The following TUBGCP3 variants were observed in gnomAD, a reference collection of about 807,000 sequenced individuals.
The protein encoded by TUBGCP3 is tubulin gamma complex component 3.
Under a neutral mutation model 123.1 loss-of-function variants are expected in TUBGCP3, and 50 were observed. The ratio of observed to expected loss-of-function variants is 0.41; its 90% CI spans 0.32 to 0.51. The LOEUF is 0.51. Among genes scored for constraint, TUBGCP3 ranks in the 20% least tolerant of loss-of-function variants. TUBGCP3 has a pLI of 0.36. For synonymous variants in TUBGCP3, 405 were observed against 413.9 expected, an observed-to-expected ratio of 0.98 and a Z score of 0.26; for missense variants, 882 against 1,127.0, an observed-to-expected ratio of 0.78 and a Z score of 3.11.
At chr13:112,601,240 T>C in the TUBGCP3 span, among the ~76,000 whole-genome samples, 1 of 149,610 alleles carries the variant, frequency 6.7e-6, no homozygotes, top group Non-Finnish European at 1.5e-5. Flanking sequence ...CTTTTCATAA[T>C]GGTGATGAAA....
At chr13:112,575,650 T>A (rs1881750474) in intron 1 of TUBGCP3, among the ~76,000 whole-genome samples, 1 of 152,218 alleles carries the variant, frequency 6.6e-6, no homozygotes, top group African/African-American at 2.4e-5. Flanking sequence ...CAACACACGC[T>A]CTTTTCAAAT....
intron 11 of TUBGCP3, among the ~76,000 whole-genome samples, chr13:112,539,197 A>AC (rs1226646265): frequency 6.6e-6 from 1 of 152,174 alleles, no homozygotes; most frequent in African/African-American, 2.4e-5. Context: ...ACAAAATCAC[A>AC]CCAGACAAGC....
intron 11 of TUBGCP3, among the ~76,000 whole-genome samples, chr13:112,528,115 C>T (rs999925074): frequency 2.6e-5 from 4 of 152,232 alleles, no homozygotes; most frequent in African/African-American, 9.6e-5. Flanking sequence ...CTGACCCTGA[C>T]GGGCACCTAC....
chr13:112,554,035 A>G lies in TUBGCP3; in HGVS notation c.966+22T>C, dbSNP rs141104749. The G allele has an allele frequency of 6.8e-4, 1,089 of 1,603,778 alleles. 26 individuals carry two copies. In the East Asian group the frequency reaches 0.021, roughly 31 times the overall value. On this transcript the variant is annotated intron_variant, in intron 8 of 21. Coordinates refer to ENST00000261965, the MANE Select transcript of TUBGCP3 (RefSeq NM_006322.6). The stretch of plus-strand genomic sequence containing the variant: ...TTCCCAAAGTGCGCAGCATCCCAGC[A>G]TCCTAGGAACCATGAACGCACCTGC...
chr13:112,570,708 G>C (rs1415275354), intron 1 of TUBGCP3, among the ~76,000 whole-genome samples: 2 of 152,130 alleles, frequency 1.3e-5, no homozygotes, highest in African/African-American at 4.8e-5. Context: ...CACATCGATT[G>C]ACCCTTCCTT....
intron 5 of TUBGCP3, among the ~76,000 whole-genome samples, chr13:112,557,662 G>C (rs1011704716): frequency 1.3e-5 from 2 of 152,204 alleles, no homozygotes; most frequent in Non-Finnish European, 2.9e-5. Flanking sequence ...TGTATTTCTT[G>C]AAAACATGCT....
At chr13:112,505,870 A>T (rs193057564) in intron 17 of TUBGCP3, among the ~76,000 whole-genome samples, 15 of 152,276 alleles carry the variant, frequency 9.9e-5, no homozygotes, top group South Asian at 2.1e-4. Flanking sequence ...CACTTGGGAA[A>T]GGAGGAGGAC....
At chr13:112,585,071 C>T (rs1882514788) in intron 1 of TUBGCP3, among the ~76,000 whole-genome samples, 1 of 152,050 alleles carries the variant, frequency 6.6e-6, no homozygotes, top group Non-Finnish European at 1.5e-5. Context: ...TAAAAGATAC[C>T]TTATAAAAAT....
In TUBGCP3 at chr13:112,558,416, G is replaced by C; in HGVS notation, c.331-3C>G. The C allele has an allele frequency of 6.5e-7, 1 of 1,540,296 alleles. No individual in the cohort carries two copies. The highest frequency in any genetic ancestry group is 2.3e-5 in the East Asian group (1 of 43,608). On this transcript the variant is annotated splice_polypyrimidine_tract_variant and splice_region_variant and intron_variant, in intron 4 of 21. Coordinates refer to ENST00000261965, the MANE Select transcript of TUBGCP3 (RefSeq NM_006322.6). ...AATAACGTAGCATAGCTAGAAACCT[G>C]AAAAGAGAAACACACTAAGAGCAGA...
At chr13:112,489,801 TA>T in intron 20 of TUBGCP3, 104 bp from the exon 21 acceptor site, 1 of 873,006 alleles carries the variant, frequency 1.1e-6, no homozygotes. Flanking sequence ...GTCTGCTTTT[TA>T]TGCCTCTCTG....
intron 19 of TUBGCP3, among the ~76,000 whole-genome samples, chr13:112,500,799 C>T (rs1308793986): frequency 6.6e-6 from 1 of 152,192 alleles, no homozygotes; most frequent in African/African-American, 2.4e-5. Context: ...TTCTCATCAC[C>T]CATTGTCTAA....
chr13:112,536,547 G>T (rs954140451), intron 11 of TUBGCP3, among the ~76,000 whole-genome samples: 2 of 152,036 alleles, frequency 1.3e-5, no homozygotes, highest in African/African-American at 4.8e-5. Flanking sequence ...AACTTATTTA[G>T]ATGATATTTT....
chr13:112,581,539 G>A lies in TUBGCP3; in HGVS notation c.76+6366C>T, dbSNP rs543915741. Among the ~76,000 whole-genome samples, 235 of 131,714 alleles carry A rather than the reference G, an allele frequency of 1.8e-3. 2 individuals carry two copies. The highest frequency in any genetic ancestry group is 2.5e-3 in the Non-Finnish European group (157 of 62,452). 86.4% of individuals were successfully genotyped at this position (131,714 alleles called of 152,430 possible). ...CGGCTCCCTGCAACCTCTGCCTCCTGGGCTCAAGTGATTCCCCCACCTCAG... is the reference window on the plus strand; with the variant it reads ...CGGCTCCCTGCAACCTCTGCCTCCTAGGCTCAAGTGATTCCCCCACCTCAG... On this transcript the variant is annotated intron_variant, in intron 1 of 21. Coordinates refer to ENST00000261965, the MANE Select transcript of TUBGCP3 (RefSeq NM_006322.6).
intron 11 of TUBGCP3, among the ~76,000 whole-genome samples, chr13:112,534,105 G>A (rs1237964087): frequency 6.6e-6 from 1 of 152,142 alleles, no homozygotes; most frequent in Non-Finnish European, 1.5e-5. Flanking sequence ...ATCACCTCAA[G>A]TTTAGAACAA....
At chr13:112,509,693 A>C (rs144524425) in intron 17 of TUBGCP3, among the ~76,000 whole-genome samples, 4 of 152,300 alleles carry the variant, frequency 2.6e-5, no homozygotes, top group African/African-American at 9.6e-5. Flanking sequence ...GCTGCTGAGG[A>C]CGCTGCTACT....
intron 1 of TUBGCP3, among the ~76,000 whole-genome samples, chr13:112,587,689 C>G (rs984276512): frequency 2.6e-5 from 4 of 152,174 alleles, no homozygotes; most frequent in Non-Finnish European, 5.9e-5. Context: ...CGCCCCGGTC[C>G]TGGCCCCCAG....
At chr13:112,515,040 T>C (rs78554465) in intron 17 of TUBGCP3, among the ~76,000 whole-genome samples, 4,318 of 152,240 alleles carry the variant, frequency 0.028, 101 homozygotes, top group Middle Eastern at 0.078. Context: ...CCTAGCGATA[T>C]AAATAAATTT....
At chr13:112,589,573 A>T (rs1394101790), upstream of TUBGCP3, among the ~76,000 whole-genome samples, 3 of 152,272 alleles carry the variant, frequency 2.0e-5, no homozygotes, top group African/African-American at 7.2e-5. Context: ...AATAGCAGGT[A>T]TGCTTATAGA....
At chr13:112,504,186 C>A (rs371232252) in intron 18 of TUBGCP3, 23 bp from the exon 19 acceptor site, 88 of 1,613,704 alleles carry the variant, frequency 5.5e-5, no homozygotes, top group Non-Finnish European at 7.3e-5. Context: ...AATTTAAAGA[C>A]GCTAGATAAG....
Sources: allele counts gnomAD v4.1 joint callset (sites outside exome capture counted in the v4.1 genomes callset), GRCh38; gene constraint gnomAD v4.1.1; transcripts MANE v1.5; gene names NCBI Gene and HGNC (gene_info 2026-07-23, HGNC 2026-07-21).